The following GRIA3 variants were observed in gnomAD, a reference collection of about 807,000 sequenced individuals.
GRIA3 encodes glutamate ionotropic receptor AMPA type subunit 3.
GRIA3 carries 3 observed loss-of-function variants against 63.0 expected under a neutral mutation model. The observed-to-expected ratio is 0.05, with a 90% CI of 0.02 to 0.12. The LOEUF (loss-of-function observed/expected upper bound fraction) is 0.12. GRIA3 is among the 10% of genes least tolerant of loss of function. The probability of loss-of-function intolerance (pLI) is 1.00; values close to 1 mark genes in which losing one functional copy is unlikely to be tolerated. For synonymous variants in GRIA3, 274 were observed against 257.9 expected, an observed-to-expected ratio of 1.06 and a Z score of -0.60; for missense variants, 347 against 700.9, an observed-to-expected ratio of 0.50 and a Z score of 5.70.
chrX:123,476,401 G>C (rs2045887346), intron 13 of GRIA3, among the ~76,000 whole-genome samples: 1 of 111,651 alleles, frequency 9.0e-6, no homozygotes, highest in East Asian at 2.8e-4. Context: ...AATACCTTCA[G>C]TTGGTTAGGA....
At chrX:123,484,612 C>T (rs2045931842) in intron 15 of GRIA3, among the ~76,000 whole-genome samples, 1 of 112,050 alleles carries the variant, frequency 8.9e-6, no homozygotes, top group Non-Finnish European at 1.9e-5. Context: ...TCCCAAGTAG[C>T]TGGGATTACA....
chrX:123,432,697 T>C (rs1323467270), intron 12 of GRIA3, among the ~76,000 whole-genome samples: 1 of 112,328 alleles, frequency 8.9e-6, no homozygotes, highest in African/African-American at 3.2e-5. Flanking sequence ...AACAGTACCG[T>C]TGAAGATACT....
In GRIA3 at chrX:123,463,610, GGGAAAGAAAGAAAGAAA is replaced by G. The variant is rs2045809326; in HGVS notation, c.2077-1253_2077-1237del. On this transcript the variant is annotated intron_variant, in intron 12 of 15. Coordinates refer to ENST00000620443, the MANE Select transcript of GRIA3 (RefSeq NM_007325.5). ...AGGGAGGGAGGGAGGGAGGGAGGGA[GGGAAAGAAAGAAAGAAA>G]GAAAGAAAGAAAGAAAGAAAGAAAG... Among the ~76,000 whole-genome samples the G allele has an allele frequency of 4.3e-4, 6 of 13,983 alleles. 1 individual carries two copies. The highest frequency in any genetic ancestry group is 2.3e-3 in the Admixed American group (2 of 861). 12.1% of individuals were successfully genotyped at this position (13,983 alleles called of 115,157 possible).
chrX:123,398,337 A>G (rs1171286391), intron 6 of GRIA3, among the ~76,000 whole-genome samples: 1 of 111,918 alleles, frequency 8.9e-6, no homozygotes, highest in Non-Finnish European at 1.9e-5. Context: ...TTCTTCCTCT[A>G]TAAAGGACAC....
At chrX:123,426,888 T>C (rs1389474919) in intron 11 of GRIA3, among the ~76,000 whole-genome samples, 1 of 112,116 alleles carries the variant, frequency 8.9e-6, no homozygotes, top group Non-Finnish European at 1.9e-5. Flanking sequence ...ATAGAATTTC[T>C]CCATCAGACC....
chrX:123,453,618 A>AACACACACAC (rs780732296), intron 12 of GRIA3, among the ~76,000 whole-genome samples: 14 of 103,389 alleles, frequency 1.4e-4, no homozygotes, highest in African/African-American at 4.2e-4. Flanking sequence ...TCAGGTTTTC[A>AACACACACAC]ACACACACAC....
intron 2 of GRIA3, among the ~76,000 whole-genome samples, chrX:123,231,464 T>G (rs937080618): frequency 9.0e-6 from 1 of 111,681 alleles, no homozygotes; most frequent in Non-Finnish European, 1.9e-5. Flanking sequence ...AACCACTATG[T>G]GCCAGTCATT....
intron 4 of GRIA3, among the ~76,000 whole-genome samples, chrX:123,336,166 A>C (rs2044972807): frequency 9.0e-6 from 1 of 111,335 alleles, no homozygotes; most frequent in African/African-American, 3.3e-5. Flanking sequence ...TGTTTAAAAT[A>C]ATTTACACTC....
intron 10 of GRIA3, among the ~76,000 whole-genome samples, chrX:123,409,279 A>C (rs1283902961): frequency 8.9e-6 from 1 of 112,408 alleles, no homozygotes; most frequent in Non-Finnish European, 1.9e-5. Flanking sequence ...TCAGAGATGA[A>C]GAAAGCTCTG....
intron 2 of GRIA3, among the ~76,000 whole-genome samples, chrX:123,234,018 T>G (rs1356073075): frequency 8.9e-6 from 1 of 111,811 alleles, no homozygotes; most frequent in Non-Finnish European, 1.9e-5. Context: ...ACATTGTTCC[T>G]TCCATTTGCA....
intron 4 of GRIA3, among the ~76,000 whole-genome samples, chrX:123,337,770 T>G (rs2044983696): frequency 9.0e-6 from 1 of 111,271 alleles, no homozygotes. Context: ...TGAACAGCTC[T>G]GAGGGTCCTT....
chrX:123,422,727 T>A (rs2045569746), intron 11 of GRIA3, among the ~76,000 whole-genome samples: 1 of 112,409 alleles, frequency 8.9e-6, no homozygotes, highest in Admixed American at 9.5e-5. Context: ...ATAGCTATTG[T>A]CATTATTAAA....
chrX:123,246,163 A>G (rs1603046059), intron 2 of GRIA3, among the ~76,000 whole-genome samples: 1 of 111,886 alleles, frequency 8.9e-6, no homozygotes, highest in East Asian at 2.8e-4. Context: ...TTTTAGGGGG[A>G]AAAAGGTAGG....
intron 4 of GRIA3, among the ~76,000 whole-genome samples, chrX:123,345,135 G>A (rs2045036096): frequency 9.0e-6 from 1 of 111,260 alleles, no homozygotes; most frequent in South Asian, 3.8e-4. Context: ...TACCTCCAAG[G>A]CCTCTGTGGA....
chrX:123,395,395 T>C (rs186786864), intron 6 of GRIA3, among the ~76,000 whole-genome samples: 1 of 112,466 alleles, frequency 8.9e-6, no homozygotes, highest in South Asian at 3.7e-4. Context: ...AATATGCCTA[T>C]AACAATTTAC....
chrX:123,398,414 T>C (rs745949308), intron 6 of GRIA3, among the ~76,000 whole-genome samples: 2 of 111,773 alleles, frequency 1.8e-5, no homozygotes, highest in African/African-American at 3.2e-5. Flanking sequence ...AGAGATTGCC[T>C]TGAGCCATTT....
In GRIA3 at chrX:123,257,536, C is replaced by A. The variant is rs773808879; in HGVS notation, c.508+3994C>A. ...AAGCAGGCCCAATTCATAAATCATA[C>A]CAATCACTTGGTACAGTTGTTTAAA... On this transcript the variant is annotated intron_variant, in intron 3 of 15. Coordinates refer to ENST00000620443, the MANE Select transcript of GRIA3 (RefSeq NM_007325.5). Among the ~76,000 whole-genome samples the A allele has an allele frequency of 5.4e-5, 6 of 110,783 alleles. No homozygotes were observed. In the East Asian group the frequency reaches 1.1e-3, roughly 21 times the overall value.
At chrX:123,403,993 G>A (rs180836764) in intron 9 of GRIA3, among the ~76,000 whole-genome samples, 2 of 111,685 alleles carry the variant, frequency 1.8e-5, no homozygotes, top group East Asian at 2.8e-4. Context: ...TCATAAGCCC[G>A]TTTCAAGGCA....
intron 2 of GRIA3, among the ~76,000 whole-genome samples, chrX:123,250,833 T>TA (rs1204369479): frequency 2.7e-5 from 3 of 112,437 alleles, no homozygotes; most frequent in Admixed American, 9.4e-5. Flanking sequence ...ATACTTATAC[T>TA]AAAAAATTAT....
Sources: gnomAD v4.1 joint callset for allele counts (sites outside exome capture counted in the v4.1 genomes callset) on GRCh38, gnomAD v4.1.1 for gene constraint, MANE v1.5 for transcripts, NCBI Gene and HGNC (gene_info 2026-07-23, HGNC 2026-07-21) for gene names.